The following OSBP2 variants were observed in gnomAD, a reference collection of about 807,000 sequenced individuals.
OSBP2 encodes oxysterol-binding protein 2.
Under a neutral mutation model 96.0 loss-of-function variants are expected in OSBP2, and 66 were observed. The observed-to-expected ratio is 0.69, with a 90% CI of 0.56 to 0.84. The LOEUF is 0.84. OSBP2 is among the 40% of genes least tolerant of loss of function. OSBP2 has a pLI of 0.00. For synonymous variants in OSBP2, 525 were observed against 520.9 expected, an observed-to-expected ratio of 1.01 and a Z score of -0.11; for missense variants, 1,038 against 1,222.7, an observed-to-expected ratio of 0.85 and a Z score of 2.25.
At chr22:30,805,966 T>C (rs907655905) in intron 2 of OSBP2, among the ~76,000 whole-genome samples, 3 of 152,242 alleles carry the variant, frequency 2.0e-5, no homozygotes, top group African/African-American at 7.2e-5. Context: ...AATTCTATCT[T>C]TCTGATACTG....
chr22:30,714,271 T>C (rs1452438183), intron 1 of OSBP2, among the ~76,000 whole-genome samples: 4 of 152,230 alleles, frequency 2.6e-5, no homozygotes, highest in Non-Finnish European at 5.9e-5. Context: ...AGTATTCCAT[T>C]GTGTATATAT....
chr22:30,757,554 T>A (rs1233098569), intron 2 of OSBP2, among the ~76,000 whole-genome samples: 1 of 151,824 alleles, frequency 6.6e-6, no homozygotes, highest in African/African-American at 2.4e-5. Flanking sequence ...AGTAGCTGGG[T>A]CTACAGGTGG....
Position 30,763,831 on chromosome 22 carries a change from G to C in OSBP2, c.853+22462G>C, listed in dbSNP as rs1434255257. ...TCTACGAGCATTTAACCCTATCCTG[G>C]GGGACCTTGACCCCCAGCCCACTTG... is the stretch of plus-strand genomic sequence containing the variant. On this transcript the variant is annotated intron_variant, in intron 2 of 13. Transcript: ENST00000332585. Among the ~76,000 whole-genome samples the C allele has an allele frequency of 5.3e-5, 8 of 152,182 alleles. No homozygotes were observed. In the South Asian group the frequency reaches 1.7e-3, roughly 32 times the overall value.
chr22:30,878,924 TAGG>T (rs1265680874), intron 3 of OSBP2, among the ~76,000 whole-genome samples: 2 of 151,396 alleles, frequency 1.3e-5, no homozygotes, highest in Admixed American at 1.3e-4. Context: ...GAGGGGGAAG[TAGG>T]AGACATTGGG....
chr22:30,814,770 T>C (rs9609102), intron 2 of OSBP2, among the ~76,000 whole-genome samples: 2,242 of 152,254 alleles, frequency 0.015, 27 homozygotes, highest in Middle Eastern at 0.048. Flanking sequence ...CATTCTGAGA[T>C]CCTGGGGGTT....
At chr22:30,899,255 C>A (rs1269372012) in intron 12 of OSBP2, among the ~76,000 whole-genome samples, 5 of 151,804 alleles carry the variant, frequency 3.3e-5, no homozygotes, top group Non-Finnish European at 7.4e-5. Context: ...GTAGTCCCAC[C>A]TGTAGTACAC....
chr22:30,706,891 A>G (rs2089262393), intron 1 of OSBP2, among the ~76,000 whole-genome samples: 1 of 152,118 alleles, frequency 6.6e-6, no homozygotes, highest in African/African-American at 2.4e-5. Flanking sequence ...ATTTCCTGCA[A>G]CGATCTGGAG....
upstream of OSBP2, chr22:30,694,201 T>C: frequency 7.1e-6 from 11 of 1,550,092 alleles, no homozygotes; most frequent in Non-Finnish European, 9.6e-6. Context: ...TTCCCCTATT[T>C]GTTTAGAGAA....
chr22:30,759,088 A>G (rs2090176164), intron 2 of OSBP2, among the ~76,000 whole-genome samples: 1 of 152,184 alleles, frequency 6.6e-6, no homozygotes, highest in Admixed American at 6.5e-5. Context: ...GGCCGGGCGC[A>G]GTGTAACCTG....
At chr22:30,723,494 A>T (rs534295206) in intron 1 of OSBP2, among the ~76,000 whole-genome samples, 1 of 151,260 alleles carries the variant, frequency 6.6e-6, no homozygotes, top group South Asian at 2.1e-4. Flanking sequence ...GCTCGCTGCA[A>T]CCTCTGCCTC....
chr22:30,705,376 C>T (rs13055674), intron 1 of OSBP2, among the ~76,000 whole-genome samples: 10 of 152,068 alleles, frequency 6.6e-5, no homozygotes, highest in Non-Finnish European at 1.3e-4. Flanking sequence ...TCACCGCAAC[C>T]TCCGCCTCCC....
rs1240948789 is a variant in OSBP2 at position 30,889,607 on chromosome 22, G to A, written c.1594G>A (p.Gly532Ser). Reference protein sequence around the residue: ...NLWSIMKNCIGRELSRIPMPV... With the variant: ...NLWSIMKNCISRELSRIPMPV... ...CTGGAGCATCATGAAGAACTGCATC[G>A]GCCGGGAGCTCTCCAGGATCCCCAT... is the stretch of plus-strand genomic sequence containing the variant. The change falls in exon 7 of 14, where the codon GGC becomes AGC. Residue 532 changes from glycine to serine, a missense_variant. Coordinates refer to ENST00000332585, the MANE Select transcript of OSBP2 (RefSeq NM_030758.4). 4.3e-6 allele frequency: 7 copies of A among 1,613,836 alleles called. 1 individual carries two copies. The highest frequency in any genetic ancestry group is 3.3e-5 in the Admixed American group (2 of 59,998).
At chr22:30,785,562 G>A (rs1291528376) in intron 2 of OSBP2, among the ~76,000 whole-genome samples, 3 of 110,598 alleles carry the variant, frequency 2.7e-5, no homozygotes, top group Non-Finnish European at 5.2e-5. Context: ...GTGAGACTTC[G>A]TCTCAAAAAA....
intron 2 of OSBP2, among the ~76,000 whole-genome samples, chr22:30,783,819 C>G (rs1032902180): frequency 2.0e-5 from 3 of 152,202 alleles, no homozygotes; most frequent in Non-Finnish European, 2.9e-5. Flanking sequence ...GGCGCTCTTG[C>G]TCGCAACATT....
intron 2 of OSBP2, among the ~76,000 whole-genome samples, chr22:30,845,836 G>A (rs919401656): frequency 1.6e-4 from 23 of 146,746 alleles, no homozygotes; most frequent in East Asian, 2.0e-4. Context: ...AGCTGAGATC[G>A]TGCCACTGCA....
intron 2 of OSBP2, among the ~76,000 whole-genome samples, chr22:30,856,680 C>A (rs762976061): frequency 3.9e-5 from 6 of 151,990 alleles, no homozygotes; most frequent in Non-Finnish European, 8.8e-5. Flanking sequence ...AGCCACCATG[C>A]CCAGCCAAGA....
rs140052573 is a variant in OSBP2, at chr22:30,711,380, C to A, written c.644+15827C>A. On this transcript the variant is annotated intron_variant, in intron 1 of 13. Transcript: ENST00000332585. ...ATATCCTGGCTCGGTATAAAGCAAA[C>A]AAACAATGTGTTTGTTCTCTTTAAA... 1.6e-4 allele frequency among the ~76,000 whole-genome samples: 24 copies of A among 151,790 alleles called. No individual in the cohort carries two copies. The East Asian group carries it at 4.5e-3, about 28-fold the overall frequency.
At chr22:30,849,547 T>C (rs758569540) in intron 2 of OSBP2, among the ~76,000 whole-genome samples, 4 of 152,358 alleles carry the variant, frequency 2.6e-5, no homozygotes, top group Non-Finnish European at 2.9e-5. Flanking sequence ...TGTCTTCTTT[T>C]ATAAAACACC....
chr22:30,740,197 A>G (rs1436058762), intron 1 of OSBP2, among the ~76,000 whole-genome samples: 1 of 152,060 alleles, frequency 6.6e-6, no homozygotes, highest in Admixed American at 6.6e-5. Flanking sequence ...GGAACCAGTA[A>G]GCCAGGAGTG....
Sources: gnomAD v4.1 joint callset for allele counts (sites outside exome capture counted in the v4.1 genomes callset) on GRCh38, gnomAD v4.1.1 for gene constraint, MANE v1.5 for transcripts, NCBI Gene and HGNC (gene_info 2026-07-23, HGNC 2026-07-21) for gene names.